Variants in EPSTI1 observed in about 807,000 individuals in gnomAD.
EPSTI1 encodes the protein epithelial stromal interaction 1.
In EPSTI1, 66 loss-of-function variants were observed where a neutral mutation model predicts 49.9. That is an observed-to-expected ratio of 1.32 (90% CI 1.08 to 1.62). EPSTI1 has a LOEUF of 1.62. EPSTI1 is among the 40% of genes most tolerant of loss of function. EPSTI1 has a pLI of 0.00. For synonymous variants in EPSTI1, 137 were observed against 130.7 expected, an observed-to-expected ratio of 1.05 and a Z score of -0.33; for missense variants, 394 against 365.5, an observed-to-expected ratio of 1.08 and a Z score of -0.64.
chr13:42,905,230 A>G (rs988026975), intron 8 of EPSTI1, among the ~76,000 whole-genome samples: 18 of 152,162 alleles, frequency 1.2e-4, no homozygotes, highest in African/African-American at 3.6e-4. Context: ...AGGGGAGAAG[A>G]GATAAAGACC....
intron 4 of EPSTI1, 36 bp from the exon 5 acceptor site, chr13:42,963,374 T>C (rs998086437): frequency 1.3e-6 from 2 of 1,540,300 alleles, no homozygotes; most frequent in Non-Finnish European, 1.8e-6. Flanking sequence ...ACAAAAACAG[T>C]TACCATTTTT....
At chr13:42,962,619 C>CAAAAAAAAAAA (rs67950561) in intron 5 of EPSTI1, among the ~76,000 whole-genome samples, 1 of 132,902 alleles carries the variant, frequency 7.5e-6, no homozygotes, top group Non-Finnish European at 1.6e-5. Flanking sequence ...ACAAAAAATA[C>CAAAAAAAAAAA]AAAAAAAAAA....
intron 1 of EPSTI1, among the ~76,000 whole-genome samples, chr13:42,984,566 T>A (rs1436226621): frequency 6.6e-6 from 1 of 152,220 alleles, no homozygotes; most frequent in East Asian, 1.9e-4. Flanking sequence ...TTGATAAAAA[T>A]TTAACACTAT....
chr13:42,935,084 C>A (rs967121052), intron 6 of EPSTI1, among the ~76,000 whole-genome samples: 6 of 152,190 alleles, frequency 3.9e-5, no homozygotes, highest in African/African-American at 1.4e-4. Flanking sequence ...CAGGGCCATA[C>A]CCTGGACATT....
chr13:42,938,895 A>C (rs2038654008), intron 6 of EPSTI1, among the ~76,000 whole-genome samples: 1 of 111,240 alleles, frequency 9.0e-6, no homozygotes, highest in Non-Finnish European at 1.8e-5. Flanking sequence ...AGCCTGGGAG[A>C]CAGAGCAAGA....
rs1025585746 is a variant in EPSTI1, at chr13:42,922,942, T to C, written c.657+3394A>G. On this transcript the variant is annotated intron_variant, in intron 7 of 10. Transcript: ENST00000313624. The surrounding 1 kb of genome is among the most constrained non-coding windows in gnomAD (Gnocchi z 4.8). ...GTGGGGCCTGAGATTGATCTGCATC[T>C]AAATCTTTGCTCCTGATTTCAAAAG... 6.6e-6 allele frequency among the ~76,000 whole-genome samples: 1 copy of C among 152,222 alleles called. No homozygotes were observed. Among genetic ancestry groups the C allele is most frequent in the African/African-American group, 2.4e-5 (1 of 41,464 alleles).
At chr13:42,897,865 T>G (rs1376216395) in intron 9 of EPSTI1, among the ~76,000 whole-genome samples, 3 of 152,230 alleles carry the variant, frequency 2.0e-5, no homozygotes, top group Non-Finnish European at 2.9e-5. Flanking sequence ...GTTTAATAGT[T>G]TTAGAAAGTA....
chr13:42,949,561 CA>C (rs2039030835), intron 6 of EPSTI1, among the ~76,000 whole-genome samples: 1 of 142,222 alleles, frequency 7.0e-6, no homozygotes, highest in South Asian at 2.2e-4. Flanking sequence ...CACTGCACTC[CA>C]GCCTGGGCAA....
intron 10 of EPSTI1, among the ~76,000 whole-genome samples, chr13:42,892,723 TA>T (rs1190672076): frequency 2.6e-5 from 4 of 152,300 alleles, no homozygotes; most frequent in African/African-American, 9.6e-5. Context: ...AGATAGTATC[TA>T]ATTTCATAAG....
chr13:42,889,423 G>T (rs977497433), intron 10 of EPSTI1, among the ~76,000 whole-genome samples: 1 of 152,154 alleles, frequency 6.6e-6, no homozygotes, highest in Non-Finnish European at 1.5e-5. Flanking sequence ...GACATTTCAA[G>T]AAACCACTGC....
At position 42,987,485 on chromosome 13, in the gene EPSTI1, C is replaced by T. The variant is rs937605842; in HGVS notation, c.188+4493G>A. Among the ~76,000 whole-genome samples the T allele has an allele frequency of 8.5e-5, 13 of 152,278 alleles. No homozygotes were observed. In the East Asian group the frequency reaches 2.3e-3, roughly 27 times the overall value. ...GCAAGCTTGTCCAGCCCAGGGCCCACAAGGTGCATGTAGCCCAGGTGGCTC... is the reference window on the plus strand; with the variant it reads ...GCAAGCTTGTCCAGCCCAGGGCCCATAAGGTGCATGTAGCCCAGGTGGCTC... On this transcript the variant is annotated intron_variant, in intron 1 of 10. Transcript: ENST00000313624.
intron 6 of EPSTI1, among the ~76,000 whole-genome samples, chr13:42,928,291 A>G (rs2038248485): frequency 6.6e-6 from 1 of 152,212 alleles, no homozygotes; most frequent in Admixed American, 6.5e-5. Context: ...TAAAATTTCC[A>G]TATATTGGCT....
chr13:42,917,513 G>A (rs778411217), intron 8 of EPSTI1, 28 bp downstream of exon 8: 2 of 1,570,036 alleles, frequency 1.3e-6, no homozygotes, highest in East Asian at 2.2e-5. Flanking sequence ...TAAACAGTTA[G>A]CAATAACTAG....
intron 8 of EPSTI1, among the ~76,000 whole-genome samples, chr13:42,914,020 T>G (rs1318823714): frequency 6.6e-6 from 1 of 152,214 alleles, no homozygotes; most frequent in Non-Finnish European, 1.5e-5. Context: ...ACCACGATTC[T>G]AAGTTTCCTG....
chr13:42,958,564 T>C (rs1051186427), intron 5 of EPSTI1, among the ~76,000 whole-genome samples: 2 of 152,118 alleles, frequency 1.3e-5, no homozygotes, highest in African/African-American at 2.4e-5. Flanking sequence ...GAAGAATCCA[T>C]GGTACCAATG....
At chr13:42,950,379 C>A (rs867821084) in intron 6 of EPSTI1, among the ~76,000 whole-genome samples, 1 of 152,216 alleles carries the variant, frequency 6.6e-6, no homozygotes, top group Admixed American at 6.5e-5. Context: ...CAGATTAATG[C>A]GTACAATTAG....
rs568260377 is a variant in EPSTI1, at chr13:42,909,170, C to T, written c.741+8371G>A. ...TGAAAGAAAACATGCAAATGGCCAA[C>T]AGGTATATGAAAAAATGCTCAACAT... On this transcript the variant is annotated intron_variant, in intron 8 of 10. Coordinates refer to ENST00000313624, the MANE Select transcript of EPSTI1 (RefSeq NM_033255.5). Among the ~76,000 whole-genome samples the T allele has an allele frequency of 2.2e-4, 34 of 152,194 alleles. 1 individual carries two copies. The South Asian group carries it at 6.8e-3, about 31-fold the overall frequency.
At chr13:42,952,295 T>C (rs2039123239) in intron 6 of EPSTI1, among the ~76,000 whole-genome samples, 1 of 152,188 alleles carries the variant, frequency 6.6e-6, no homozygotes, top group Non-Finnish European at 1.5e-5. Context: ...GCTCACTCTT[T>C]GGGTCTGTGC....
At chr13:42,919,449 A>C (rs1161841299) in intron 7 of EPSTI1, 1 of 892,748 alleles carries the variant, frequency 1.1e-6, no homozygotes, top group Non-Finnish European at 1.8e-6. Flanking sequence ...TATTCATTTA[A>C]TACAATACCA....
Sources: allele counts gnomAD v4.1 joint callset (sites outside exome capture counted in the v4.1 genomes callset), GRCh38; gene constraint gnomAD v4.1.1; non-coding constraint Gnocchi (gnomAD v3.1); transcripts MANE v1.5; gene names NCBI Gene and HGNC (gene_info 2026-07-23, HGNC 2026-07-21).